Variants in RIMS1 observed in about 807,000 individuals in gnomAD.
RIMS1 encodes regulating synaptic membrane exocytosis 1.
Under a neutral mutation model 214.1 loss-of-function variants are expected in RIMS1, and 83 were observed. The observed-to-expected ratio is 0.39, with a 90% CI of 0.32 to 0.47. RIMS1 has a LOEUF of 0.47. Ranked by LOEUF, RIMS1 falls within the 20% of genes least tolerant of loss-of-function variation. The pLI is 0.99. For synonymous variants in RIMS1, 793 were observed against 786.8 expected, an observed-to-expected ratio of 1.01 and a Z score of -0.13; for missense variants, 2,050 against 2,161.8, an observed-to-expected ratio of 0.95 and a Z score of 1.03.
At chr6:72,252,702 C>T in intron 15 of RIMS1, 59 bp from the exon 16 acceptor site, 1 of 1,437,210 alleles carries the variant, frequency 7.0e-7, no homozygotes, top group East Asian at 2.5e-5. Flanking sequence ...TGACAGTGCT[C>T]TTTACGTTTC....
intron 28 of RIMS1, among the ~76,000 whole-genome samples, chr6:72,331,127 C>T (rs981764494): frequency 2.0e-5 from 3 of 151,588 alleles, no homozygotes; most frequent in Non-Finnish European, 4.4e-5. Context: ...TGAATCTTCC[C>T]AGTTCATCTT....
chr6:72,060,244 C>T (rs1013888587), intron 2 of RIMS1, among the ~76,000 whole-genome samples: 6 of 152,120 alleles, frequency 3.9e-5, no homozygotes, highest in African/African-American at 7.2e-5. Flanking sequence ...GCTGGGATTA[C>T]AGACATGAAC....
chr6:72,378,421 C>A (rs1273490183), intron 29 of RIMS1, among the ~76,000 whole-genome samples: 1 of 152,132 alleles, frequency 6.6e-6, no homozygotes, highest in Non-Finnish European at 1.5e-5. Flanking sequence ...TCTTAATTTT[C>A]TTTGTGACCT....
At chr6:72,133,990 A>G (rs774271732) in intron 4 of RIMS1, among the ~76,000 whole-genome samples, 19 of 152,170 alleles carry the variant, frequency 1.2e-4, no homozygotes, top group Non-Finnish European at 2.5e-4. Flanking sequence ...AAGTGGAGTT[A>G]GTAATGCCTA....
intron 1 of RIMS1, among the ~76,000 whole-genome samples, chr6:71,936,838 G>C (rs1784601337): frequency 1.3e-5 from 2 of 152,258 alleles, no homozygotes; most frequent in South Asian, 4.1e-4. Flanking sequence ...GTGTACAGTA[G>C]AATTAGAAGT....
chr6:72,222,921 G>A (rs1325171098), intron 6 of RIMS1, among the ~76,000 whole-genome samples: 1 of 152,160 alleles, frequency 6.6e-6, no homozygotes, highest in East Asian at 1.9e-4. Context: ...CAGTATCACA[G>A]TGTTGAGGGC....
intron 4 of RIMS1, among the ~76,000 whole-genome samples, chr6:72,138,025 C>T (rs1389686842): frequency 1.3e-5 from 2 of 151,970 alleles, no homozygotes; most frequent in Non-Finnish European, 2.9e-5. Flanking sequence ...CGTGAGCCAC[C>T]GCGCCCGGCA....
intron 28 of RIMS1, among the ~76,000 whole-genome samples, chr6:72,321,963 A>G (rs887547681): frequency 6.6e-6 from 1 of 152,166 alleles, no homozygotes; most frequent in Non-Finnish European, 1.5e-5. Flanking sequence ...CAATTTTATA[A>G]GAAGACTAAA....
intron 4 of RIMS1, among the ~76,000 whole-genome samples, chr6:72,139,734 TC>T (rs1311475208): frequency 6.6e-6 from 1 of 152,152 alleles, no homozygotes; most frequent in African/African-American, 2.4e-5. Flanking sequence ...AATATTTTTT[TC>T]AAAAGAATAC....
At chr6:72,172,212 TA>T (rs888554550) in intron 4 of RIMS1, among the ~76,000 whole-genome samples, 4 of 151,906 alleles carry the variant, frequency 2.6e-5, no homozygotes, top group East Asian at 3.9e-4. Context: ...CTTAAATGAA[TA>T]AAAAAATGAT....
chr6:71,974,504 G>A (rs1796674762), intron 2 of RIMS1, among the ~76,000 whole-genome samples: 1 of 152,050 alleles, frequency 6.6e-6, no homozygotes, highest in African/African-American at 2.4e-5. Context: ...GAGTTATCAT[G>A]GATTTAAAAA....
chr6:71,969,750 C>T (rs1263007094), intron 2 of RIMS1, among the ~76,000 whole-genome samples: 1 of 151,992 alleles, frequency 6.6e-6, no homozygotes, highest in Admixed American at 6.6e-5. Context: ...TGGAGGCTGC[C>T]GTAAGCCAAG....
At chr6:72,210,474 C>A (rs1440118890) in intron 6 of RIMS1, among the ~76,000 whole-genome samples, 1 of 152,160 alleles carries the variant, frequency 6.6e-6, no homozygotes, top group East Asian at 1.9e-4. Flanking sequence ...CTGCTAACAT[C>A]TCTGTAAACT....
intron 4 of RIMS1, among the ~76,000 whole-genome samples, chr6:72,100,328 T>A (rs2033230452): frequency 2.0e-5 from 3 of 152,042 alleles, no homozygotes; most frequent in Non-Finnish European, 4.4e-5. Context: ...TTTTTCAGCA[T>A]GCAAAGGCAG....
rs140571058 is a variant in RIMS1, at chr6:72,307,696, G to T, written c.3963+326G>T. 9.4e-3 allele frequency among the ~76,000 whole-genome samples: 1,432 copies of T among 152,010 alleles called. 22 individuals carry two copies. The highest frequency in any genetic ancestry group is 0.033 in the African/African-American group (1,369 of 41,462). ...TGGGAGGCGGAAGTTGCAGTGAGCC[G>T]AGATCGCACCACTGCACACCAGCCT... On this transcript the variant is annotated intron_variant, in intron 27 of 33. Transcript: ENST00000521978.
At chr6:71,987,044 C>T (rs1451762557) in intron 2 of RIMS1, among the ~76,000 whole-genome samples, 2 of 152,130 alleles carry the variant, frequency 1.3e-5, no homozygotes. Context: ...ACATGACATA[C>T]AGAAGAAGTA....
At chr6:72,049,790 T>TATTG (rs1256047062) in intron 2 of RIMS1, among the ~76,000 whole-genome samples, 6 of 152,206 alleles carry the variant, frequency 3.9e-5, no homozygotes, top group African/African-American at 1.4e-4. Context: ...GTGGTTCCAT[T>TATTG]ATTGATCCTT....
At chr6:71,917,855 T>A (rs369618930) in intron 1 of RIMS1, among the ~76,000 whole-genome samples, 87 of 152,244 alleles carry the variant, frequency 5.7e-4, no homozygotes, top group African/African-American at 1.9e-3. Context: ...TAGGTTTGAT[T>A]TAGTGTTAGT....
intron 4 of RIMS1, among the ~76,000 whole-genome samples, chr6:72,129,294 A>G (rs1423338891): frequency 1.3e-5 from 2 of 152,176 alleles, no homozygotes; most frequent in Non-Finnish European, 2.9e-5. Context: ...CTGTGTGTCA[A>G]ATGGCATATA....
Sources: allele counts gnomAD v4.1 joint callset (sites outside exome capture counted in the v4.1 genomes callset), GRCh38; gene constraint gnomAD v4.1.1; transcripts MANE v1.5; gene names NCBI Gene and HGNC (gene_info 2026-07-23, HGNC 2026-07-21).